The following PTPRC variants were observed in gnomAD, a reference collection of about 807,000 sequenced individuals.
PTPRC encodes receptor-type tyrosine-protein phosphatase C.
In PTPRC, 44 loss-of-function variants were observed where a neutral mutation model predicts 155.9. The ratio of observed to expected loss-of-function variants is 0.28; its 90% CI spans 0.22 to 0.36. The LOEUF (loss-of-function observed/expected upper bound fraction) is 0.36. Among genes scored for constraint, PTPRC ranks in the 10% least tolerant of loss-of-function variants. PTPRC has a pLI of 1.00. For missense variants in PTPRC, 1,401 were observed against 1,564.6 expected (o/e 0.90, Z 1.76); for synonymous variants, 525 against 533.1 (o/e 0.98, Z 0.21).
intron 2 of PTPRC, among the ~76,000 whole-genome samples, chr1:198,672,572 C>T (rs576883317): frequency 3.9e-5 from 6 of 152,024 alleles, no homozygotes; most frequent in Non-Finnish European, 8.8e-5. Context: ...AGGGTTCAAG[C>T]GACTCTCCTG....
At chr1:198,743,917 A>G in intron 25 of PTPRC, 137 bp from the exon 26 acceptor site, 8 of 807,636 alleles carry the variant, frequency 9.9e-6, no homozygotes, top group Non-Finnish European at 1.6e-5. Flanking sequence ...ATATTTAAAT[A>G]TTATAGATAT....
Position 198,716,744 on chromosome 1 carries a change from T to C in PTPRC, c.1354T>C (p.Tyr452His). 6.2e-7 allele frequency: 1 copy of C among 1,612,714 alleles called. No individual in the cohort carries two copies. The highest frequency in any genetic ancestry group is 8.5e-7 in the Non-Finnish European group (1 of 1,179,608). ...IKYDLQNLKP[Y>H]TKYVLSLHAY... ...ATATGATTTGCAAAATTTAAAACCT[T>C]ATACGAAATATGTTTTATCATTACA... The change falls in exon 13 of 33, where the codon TAT becomes CAT. Residue 452 changes from tyrosine (Y) to histidine (H), a missense_variant. Physicochemically the swap from Tyr to His is moderately conservative, Grantham distance 83. Coordinates refer to ENST00000442510, the MANE Select transcript of PTPRC (RefSeq NM_002838.5).
intron 14 of PTPRC, among the ~76,000 whole-genome samples, chr1:198,721,372 T>A (rs1425591003): frequency 1.3e-5 from 2 of 152,122 alleles, no homozygotes; most frequent in Non-Finnish European, 2.9e-5. Context: ...TTCATTTTTA[T>A]AAACTAAAGG....
At chr1:198,642,003 G>A (rs566960831) in intron 2 of PTPRC, among the ~76,000 whole-genome samples, 12 of 152,008 alleles carry the variant, frequency 7.9e-5, no homozygotes, top group African/African-American at 2.7e-4. Flanking sequence ...TAGAGATTTG[G>A]GAATGTGATT....
chr1:198,686,974 A>G (rs927116280), intron 2 of PTPRC, among the ~76,000 whole-genome samples: 1 of 150,154 alleles, frequency 6.7e-6, no homozygotes, highest in African/African-American at 2.5e-5. Flanking sequence ...AAGTAGTTAA[A>G]TATGTTATAC....
At chr1:198,694,285 T>G in intron 3 of PTPRC, 2 of 571,548 alleles carry the variant, frequency 3.5e-6, no homozygotes. Flanking sequence ...CTAGCCGTGC[T>G]GGCAGTTGCT....
In PTPRC at chr1:198,674,149, T is replaced by A. The variant is rs746085964; in HGVS notation, c.74-18198T>A. On this transcript the variant is annotated intron_variant, in intron 2 of 32. Coordinates refer to ENST00000442510, the MANE Select transcript of PTPRC (RefSeq NM_002838.5). ...CATTTGTTCCTCATATGCAGTAGAATGACCCAGCCTCTTTGGCTTAGAGGT... is the reference window on the plus strand; with the variant it reads ...CATTTGTTCCTCATATGCAGTAGAAAGACCCAGCCTCTTTGGCTTAGAGGT... Among the ~76,000 whole-genome samples the A allele has an allele frequency of 1.2e-3, 190 of 152,336 alleles. 1 individual carries two copies. Among genetic ancestry groups the A allele is most frequent in the Non-Finnish European group, 3.8e-4 (26 of 68,024 alleles).
chr1:198,714,934 A>T (rs1372194400), intron 12 of PTPRC, among the ~76,000 whole-genome samples: 1 of 152,122 alleles, frequency 6.6e-6, no homozygotes, highest in African/African-American at 2.4e-5. Context: ...ATTGACATTA[A>T]TTTAGTTTTA....
upstream of PTPRC, chr1:198,638,778 A>T (rs1662395568): frequency 6.4e-6 from 1 of 156,636 alleles, no homozygotes; most frequent in Admixed American, 6.2e-5. Flanking sequence ...TCTGTTTGTC[A>T]TCTCTTAAGT....
chr1:198,729,632 A>G (rs911228045), intron 17 of PTPRC, among the ~76,000 whole-genome samples: 5 of 152,178 alleles, frequency 3.3e-5, no homozygotes, highest in African/African-American at 1.2e-4. Context: ...TTACTCACTC[A>G]GCACCTGTGA....
chr1:198,755,804 T>A (rs1655618739), intron 32 of PTPRC, 102 bp from the exon 33 acceptor site: 7 of 1,271,304 alleles, frequency 5.5e-6, no homozygotes, highest in Non-Finnish European at 6.8e-6. Flanking sequence ...TGTCATCCAA[T>A]ACTTCCACAA....
chr1:198,696,742 C>T lies in PTPRC; in HGVS notation c.131C>T (p.Pro44Leu). 6.2e-7 allele frequency: 1 copy of T among 1,614,052 alleles called. No homozygotes were observed. Among genetic ancestry groups the T allele is most frequent in the Admixed American group, 1.7e-5 (1 of 60,024 alleles). Residue 44 changes from proline to leucine, a missense_variant, in exon 4 of 33, where the codon CCA (proline) becomes CTA (leucine). Physicochemically the swap from Pro to Leu is moderately conservative, Grantham distance 98. This residue lies in a region of PTPRC where 867 missense variants were observed against 970.4 expected (regional missense o/e 0.89). Coordinates refer to ENST00000442510, the MANE Select transcript of PTPRC (RefSeq NM_002838.5). The stretch of plus-strand genomic sequence containing the variant: ...ACTACAGCAAAGATGCCCAGTGTTC[C>T]ACTTTCAAGTGACCCCTTACCTACT... Reference protein sequence around the residue: ...GLTTAKMPSVPLSSDPLPTHT... With the variant: ...GLTTAKMPSVLLSSDPLPTHT...
In PTPRC at chr1:198,639,230, AC is replaced by A; in HGVS notation, c.-38del. The A allele has an allele frequency of 2.6e-6, 4 of 1,564,848 alleles. No homozygotes were observed. The highest frequency in any genetic ancestry group is 3.5e-6 in the Non-Finnish European group (4 of 1,135,256). On this transcript the variant is annotated 5_prime_UTR_variant, in exon 2 of 33. Coordinates refer to ENST00000442510, the MANE Select transcript of PTPRC (RefSeq NM_002838.5). The stretch of plus-strand genomic sequence containing the variant: ...AACAATTATTTTGCTTTTCAGAAGG[AC>A]GCATGCTGTTTCTTAGGGACACGGC...
intron 2 of PTPRC, among the ~76,000 whole-genome samples, chr1:198,643,411 A>C (rs1229648828): frequency 6.6e-6 from 1 of 151,948 alleles, no homozygotes; most frequent in Non-Finnish European, 1.5e-5. Flanking sequence ...AGTCAAAAAG[A>C]GGGAGAATAT....
Position 198,756,390 on chromosome 1 carries a change from T to TATCTC in PTPRC, c.*210_*214dup, listed in dbSNP as rs1655665122. 3.1e-6 allele frequency: 2 copies of TATCTC among 648,356 alleles called. No individual in the cohort carries two copies. Among genetic ancestry groups the TATCTC allele is most frequent in the Non-Finnish European group, 5.1e-6 (2 of 390,768 alleles). 40.2% of individuals were successfully genotyped at this position (648,356 alleles called of 1,614,324 possible). ...CAGACGTATGCTTATTTTAAAATTT[T>TATCTC]ATCTCTTATTCAGTAAAAAACAACT... On this transcript the variant is annotated 3_prime_UTR_variant, in exon 33 of 33. Transcript: ENST00000442510.
chr1:198,692,072 T>G (rs1294353695), intron 2 of PTPRC, among the ~76,000 whole-genome samples: 1 of 152,122 alleles, frequency 6.6e-6, no homozygotes, highest in Non-Finnish European at 1.5e-5. Flanking sequence ...TTTGCAGGCT[T>G]GAAATTAATC....
At chr1:198,744,907 G>A (rs1655070252) in intron 26 of PTPRC, among the ~76,000 whole-genome samples, 2 of 151,878 alleles carry the variant, frequency 1.3e-5, no homozygotes, top group African/African-American at 4.8e-5. Context: ...GGATCAAAGT[G>A]GGGTTAAGGT....
intron 2 of PTPRC, among the ~76,000 whole-genome samples, chr1:198,677,844 C>A (rs886299343): frequency 5.3e-5 from 8 of 152,150 alleles, no homozygotes; most frequent in African/African-American, 1.7e-4. Context: ...TCGGAAATAT[C>A]ATTTAACCTG....
chr1:198,755,027 G>T (rs1396489758), intron 32 of PTPRC, among the ~76,000 whole-genome samples: 1 of 152,092 alleles, frequency 6.6e-6, no homozygotes, highest in Non-Finnish European at 1.5e-5. Flanking sequence ...AGTTCCACAA[G>T]GGAAAGAAGA....
Sources: allele counts gnomAD v4.1 joint callset (sites outside exome capture counted in the v4.1 genomes callset), GRCh38; gene constraint gnomAD v4.1.1; regional missense constraint gnomAD v4.1.1; transcripts MANE v1.5; gene names NCBI Gene and HGNC (gene_info 2026-07-23, HGNC 2026-07-21).